Variants in FOXP1 observed in about 807,000 individuals in gnomAD.
FOXP1 encodes the protein forkhead box protein P1.
Under a neutral mutation model 98.2 loss-of-function variants are expected in FOXP1, and 15 were observed. The ratio of observed to expected loss-of-function variants is 0.15; its 90% CI spans 0.10 to 0.24. The LOEUF (loss-of-function observed/expected upper bound fraction) is 0.24. FOXP1 is among the 10% of genes least tolerant of loss of function. The pLI, the probability that FOXP1 is intolerant of heterozygous loss-of-function variation, is 1.00. For synonymous variants in FOXP1, 371 were observed against 314.5 expected (o/e 1.18, Z -1.90); for missense variants, 633 against 848.5 (o/e 0.75, Z 3.15).
chr3:71,394,935 T>C (rs2081275724), intron 3 of FOXP1, among the ~76,000 whole-genome samples: 1 of 151,882 alleles, frequency 6.6e-6, no homozygotes. Flanking sequence ...ACCTCGTCTC[T>C]ACTAAAAATA....
chr3:71,066,541 TAAAGAG>T (rs2052540655), intron 7 of FOXP1, among the ~76,000 whole-genome samples: 1 of 152,282 alleles, frequency 6.6e-6, no homozygotes, highest in East Asian at 1.9e-4. Flanking sequence ...TTCTGACTCT[TAAAGAG>T]AAAAGGTGCT....
At chr3:71,562,978 T>C (rs1038056316) in intron 2 of FOXP1, among the ~76,000 whole-genome samples, 3 of 152,138 alleles carry the variant, frequency 2.0e-5, no homozygotes, top group African/African-American at 7.2e-5. Flanking sequence ...AAGAGAAGCA[T>C]TGTGCCCCTA....
At chr3:71,493,742 C>T (rs1280686665) in intron 2 of FOXP1, among the ~76,000 whole-genome samples, 187 bp from the exon 3 acceptor site, 3 of 152,154 alleles carry the variant, frequency 2.0e-5, no homozygotes, top group Non-Finnish European at 2.9e-5. Context: ...TTGAAAGATA[C>T]ATTTACTAAT....
chr3:71,390,078 G>A (rs2080917840), intron 3 of FOXP1, among the ~76,000 whole-genome samples: 2 of 152,262 alleles, frequency 1.3e-5, no homozygotes, highest in South Asian at 4.1e-4. Context: ...GCATCGAAGG[G>A]CTCGGAGCAG....
chr3:71,118,453 TCAA>T (rs1245314330), intron 6 of FOXP1, among the ~76,000 whole-genome samples: 1 of 152,192 alleles, frequency 6.6e-6, no homozygotes, highest in Non-Finnish European at 1.5e-5. Context: ...TTAAGAAACA[TCAA>T]CAAGTTTATA....
intron 14 of FOXP1, among the ~76,000 whole-genome samples, chr3:70,982,683 C>A (rs1315394902): frequency 6.6e-6 from 1 of 150,568 alleles, no homozygotes; most frequent in Non-Finnish European, 1.5e-5. Flanking sequence ...ACCCACTATT[C>A]TGCTTAGTCC....
intron 12 of FOXP1, among the ~76,000 whole-genome samples, chr3:71,008,236 C>T (rs2043052479): frequency 6.6e-6 from 1 of 151,984 alleles, no homozygotes; most frequent in African/African-American, 2.4e-5. Flanking sequence ...AGGATTTAAC[C>T]TTCAAATCTA....
At chr3:71,415,148 T>G (rs1294572891) in intron 3 of FOXP1, among the ~76,000 whole-genome samples, 1 of 152,214 alleles carries the variant, frequency 6.6e-6, no homozygotes, top group Non-Finnish European at 1.5e-5. Flanking sequence ...TTCAAGAAAG[T>G]AAGTATGCAA....
At chr3:71,069,455 A>G (rs1251747751) in intron 7 of FOXP1, among the ~76,000 whole-genome samples, 1 of 152,228 alleles carries the variant, frequency 6.6e-6, no homozygotes, top group African/African-American at 2.4e-5. Flanking sequence ...ACCCTCTCTC[A>G]TTTATGATGA....
chr3:71,118,358 T>C (rs754461090), intron 6 of FOXP1, among the ~76,000 whole-genome samples: 2 of 152,216 alleles, frequency 1.3e-5, no homozygotes, highest in Admixed American at 6.5e-5. Flanking sequence ...TCTAAGATCA[T>C]AGCAGGTGCT....
At chr3:71,579,909 C>T (rs1037904301) in intron 2 of FOXP1, among the ~76,000 whole-genome samples, 1 of 152,102 alleles carries the variant, frequency 6.6e-6, no homozygotes, top group African/African-American at 2.4e-5. Context: ...GACTCGGCAT[C>T]CATAAGGAAC....
chr3:70,963,349 C>G (rs979893228), intron 20 of FOXP1, among the ~76,000 whole-genome samples: 3 of 152,216 alleles, frequency 2.0e-5, no homozygotes, highest in Non-Finnish European at 4.4e-5. Context: ...CCGGCAGATA[C>G]CCCTGGGGTG....
intron 5 of FOXP1, among the ~76,000 whole-genome samples, chr3:71,233,963 G>C (rs185614972): frequency 2.2e-4 from 34 of 151,960 alleles, no homozygotes; most frequent in African/African-American, 8.0e-4. Context: ...TGGAATTGCC[G>C]TTATTATCTG....
At chr3:71,564,374 T>C (rs529547083) in intron 2 of FOXP1, among the ~76,000 whole-genome samples, 1 of 152,274 alleles carries the variant, frequency 6.6e-6, no homozygotes, top group African/African-American at 2.4e-5. Context: ...AGGCACCCTG[T>C]GTCACATTCC....
intron 12 of FOXP1, among the ~76,000 whole-genome samples, chr3:71,007,118 A>AT (rs1013863767): frequency 6.6e-6 from 1 of 152,014 alleles, no homozygotes; most frequent in Non-Finnish European, 1.5e-5. Flanking sequence ...GGGGGAAAAA[A>AT]TTTTTTTTGG....
chr3:71,150,756 C>A (rs753385356), intron 6 of FOXP1, among the ~76,000 whole-genome samples: 3 of 152,008 alleles, frequency 2.0e-5, no homozygotes, highest in African/African-American at 4.8e-5. Context: ...GAATCTTTAC[C>A]GCAAGCAGAT....
chr3:71,308,941 G>A (rs1392886732), intron 4 of FOXP1, among the ~76,000 whole-genome samples: 1 of 151,948 alleles, frequency 6.6e-6, no homozygotes, highest in Non-Finnish European at 1.5e-5. Context: ...CCTTTTAGTA[G>A]GGAATAAATA....
At chr3:71,440,305 C>T (rs2085805830) in intron 3 of FOXP1, among the ~76,000 whole-genome samples, 1 of 152,104 alleles carries the variant, frequency 6.6e-6, no homozygotes, top group Non-Finnish European at 1.5e-5. Flanking sequence ...GTGGTTTATG[C>T]CTGTAATCCC....
intron 9 of FOXP1, among the ~76,000 whole-genome samples, chr3:71,050,308 C>A (rs2049690397): frequency 6.6e-6 from 1 of 152,216 alleles, no homozygotes; most frequent in South Asian, 2.1e-4. Flanking sequence ...TCATGTTCTC[C>A]CAGCATGCAG....
Sources: gnomAD v4.1 joint callset for allele counts (sites outside exome capture counted in the v4.1 genomes callset) on GRCh38, gnomAD v4.1.1 for gene constraint, MANE v1.5 for transcripts, NCBI Gene and HGNC (gene_info 2026-07-23, HGNC 2026-07-21) for gene names.